SORCS3: variants seen among roughly 807,000 people sequenced by gnomAD.
SORCS3 encodes the protein sortilin related VPS10 domain containing receptor 3, also known as VPS10 domain-containing receptor SorCS3.
Under a neutral mutation model 146.3 loss-of-function variants are expected in SORCS3, and 57 were observed. That is an observed-to-expected ratio of 0.39 (90% confidence interval 0.31 to 0.49). The LOEUF (loss-of-function observed/expected upper bound fraction) is 0.49, where lower values mean the gene tolerates loss of function less well. SORCS3 is among the 20% of genes least tolerant of loss of function. The pLI is 0.92. For missense variants in SORCS3, 1,341 were observed against 1,575.5 expected, an observed-to-expected ratio of 0.85 and a Z score of 2.52; for synonymous variants, 653 against 618.5, an observed-to-expected ratio of 1.06 and a Z score of -0.83.
chr10:105,008,664 TGAGACA>T (rs1211703496), intron 4 of SORCS3, among the ~76,000 whole-genome samples: 7 of 152,344 alleles, frequency 4.6e-5, no homozygotes, highest in Non-Finnish European at 1.0e-4. Context: ...TTTCTTTTTC[TGAGACA>T]GAGTCTCATT....
chr10:105,115,276 G>T (rs1450186378), intron 7 of SORCS3, among the ~76,000 whole-genome samples: 3 of 152,148 alleles, frequency 2.0e-5, no homozygotes, highest in Non-Finnish European at 4.4e-5. Flanking sequence ...AAATTGGAAG[G>T]TTGTTGTGAG....
intron 3 of SORCS3, among the ~76,000 whole-genome samples, chr10:104,925,370 C>G (rs1397590274): frequency 6.6e-6 from 1 of 152,084 alleles, no homozygotes. Context: ...CAGGTTAAAC[C>G]ACTTAATTTT....
At chr10:105,078,120 A>G (rs2055600598) in intron 5 of SORCS3, among the ~76,000 whole-genome samples, 1 of 152,214 alleles carries the variant, frequency 6.6e-6, no homozygotes, top group Non-Finnish European at 1.5e-5. Flanking sequence ...TAGCAGCATA[A>G]TAATATAAAA....
chr10:104,805,296 A>AG (rs1298079726), intron 1 of SORCS3, among the ~76,000 whole-genome samples: 17 of 152,338 alleles, frequency 1.1e-4, no homozygotes, highest in African/African-American at 3.8e-4. Flanking sequence ...GCTTTCATGG[A>AG]GGAGGAACCA....
At chr10:104,678,114 T>G (rs916719078) in intron 1 of SORCS3, among the ~76,000 whole-genome samples, 3 of 150,836 alleles carry the variant, frequency 2.0e-5, no homozygotes, top group South Asian at 2.1e-4. Context: ...GTTGCCGAAG[T>G]TAAATTTCTT....
intron 14 of SORCS3, among the ~76,000 whole-genome samples, chr10:105,197,915 C>T (rs1156410711): frequency 6.6e-6 from 1 of 152,034 alleles, no homozygotes; most frequent in Non-Finnish European, 1.5e-5. Context: ...GTCTTCAAGT[C>T]GTTAATAAAA....
rs780591756 is a variant in SORCS3 at position 105,252,915 on chromosome 10, A to G, written c.3237+9A>G. 6.2e-7 allele frequency: 1 copy of G among 1,613,430 alleles called. No individual in the cohort carries two copies. Among genetic ancestry groups the G allele is most frequent in the Non-Finnish European group, 8.5e-7 (1 of 1,179,688 alleles). Reference sequence around the variant, plus strand: ...AAGGGGACCTGGAACAAGTAAGTGAAAGTAAATCTGGCTGGGACCCTTGCC... The same window carrying G: ...AAGGGGACCTGGAACAAGTAAGTGAGAGTAAATCTGGCTGGGACCCTTGCC... On this transcript the variant is annotated intron_variant, in intron 23 of 26. Coordinates refer to ENST00000369701, the MANE Select transcript of SORCS3 (RefSeq NM_014978.3).
intron 1 of SORCS3, among the ~76,000 whole-genome samples, chr10:104,735,756 T>C (rs566589779): frequency 6.6e-6 from 1 of 152,158 alleles, no homozygotes; most frequent in East Asian, 1.9e-4. Context: ...GGATTTTTGT[T>C]TGGGATACGG....
intron 20 of SORCS3, among the ~76,000 whole-genome samples, chr10:105,241,342 G>A (rs2119715105): frequency 6.6e-6 from 1 of 152,330 alleles, no homozygotes; most frequent in East Asian, 1.9e-4. Flanking sequence ...GGCCAGACCA[G>A]GTGTATCACC....
chr10:104,729,775 C>T (rs1378142210), intron 1 of SORCS3, among the ~76,000 whole-genome samples: 2 of 152,314 alleles, frequency 1.3e-5, no homozygotes, highest in East Asian at 1.9e-4. Context: ...GCTTCTACCA[C>T]GCCTGTCAGG....
At chr10:105,111,221 A>G (rs1381548465) in intron 7 of SORCS3, among the ~76,000 whole-genome samples, 2 of 152,152 alleles carry the variant, frequency 1.3e-5, no homozygotes, top group African/African-American at 4.8e-5. Flanking sequence ...TTTATTATTT[A>G]AATTTAGGAC....
At chr10:104,964,848 A>G (rs1402858832) in intron 3 of SORCS3, among the ~76,000 whole-genome samples, 1 of 152,162 alleles carries the variant, frequency 6.6e-6, no homozygotes, top group East Asian at 1.9e-4. Flanking sequence ...AAAACTCTAT[A>G]CCAACTAAAC....
rs1379690915 is a variant in SORCS3, at chr10:105,255,726, C to G, written c.3262C>G (p.Leu1088Val). The G allele has an allele frequency of 4.3e-6, 7 of 1,613,894 alleles. No homozygotes were observed. Among genetic ancestry groups the G allele is most frequent in the Middle Eastern group, 1.7e-4 (1 of 6,060 alleles). The stretch of plus-strand genomic sequence containing the variant: ...GATTGTAGAAACACTGTTTAATGCT[C>G]TCAACCAAAATTTGGTCCAGTTTGA... ...EQIVETLFNA[L>V]NQNLVQFELK... Residue 1088 changes from leucine to valine, a missense_variant, in exon 24 of 27, where the codon CTC (leucine) becomes GTC (valine). Transcript: ENST00000369701.
chr10:104,894,431 G>A, intron 2 of SORCS3, among the ~76,000 whole-genome samples: 1 of 152,188 alleles, frequency 6.6e-6, no homozygotes, highest in African/African-American at 2.4e-5. Context: ...AATCATGAAG[G>A]CTCTTGAGCT....
rs543426488 is a variant in SORCS3 at position 104,914,754 on chromosome 10, G to C, written c.696-1079G>C. ...GGATAAAGGCTCAAAGCAAAGGCTG[G>C]GGGTGGTGGTTACTAGGGCATCAAA... On this transcript the variant is annotated intron_variant, in intron 2 of 26. Coordinates refer to ENST00000369701, the MANE Select transcript of SORCS3 (RefSeq NM_014978.3). Among the ~76,000 whole-genome samples the C allele has an allele frequency of 1.1e-3, 163 of 152,340 alleles. 2 individuals are homozygous for C. The highest frequency in any genetic ancestry group is 3.4e-3 in the Middle Eastern group (1 of 294).
At chr10:105,103,182 C>T (rs890858156) in intron 6 of SORCS3, among the ~76,000 whole-genome samples, 3 of 152,098 alleles carry the variant, frequency 2.0e-5, no homozygotes, top group Non-Finnish European at 4.4e-5. Flanking sequence ...TTAAAATAGG[C>T]GAATGTTTGC....
At chr10:104,952,901 C>T (rs2019448182) in intron 3 of SORCS3, among the ~76,000 whole-genome samples, 1 of 152,130 alleles carries the variant, frequency 6.6e-6, no homozygotes, top group African/African-American at 2.4e-5. Flanking sequence ...TATGTAGAAC[C>T]TGAAAGCAGC....
At chr10:105,029,906 G>A (rs1288933751) in intron 4 of SORCS3, among the ~76,000 whole-genome samples, 2 of 152,122 alleles carry the variant, frequency 1.3e-5, no homozygotes, top group African/African-American at 4.8e-5. Context: ...TTGTTAAAAC[G>A]CAGACATCTG....
At chr10:104,711,442 G>A (rs933776727) in intron 1 of SORCS3, among the ~76,000 whole-genome samples, 25 of 152,190 alleles carry the variant, frequency 1.6e-4, no homozygotes, top group African/African-American at 5.5e-4. Flanking sequence ...AGGCTGGAAA[G>A]GTCAAGCGTC....
Sources: allele counts gnomAD v4.1 joint callset (sites outside exome capture counted in the v4.1 genomes callset), GRCh38; gene constraint gnomAD v4.1.1; transcripts MANE v1.5; gene names NCBI Gene and HGNC (gene_info 2026-07-23, HGNC 2026-07-21).